The following PLA2G6 variants were observed in gnomAD, a reference collection of about 807,000 sequenced individuals.
PLA2G6 encodes the protein phospholipase A2 group VI.
A neutral mutation model predicts 83.8 loss-of-function variants in PLA2G6; 62 were observed. The ratio of observed to expected loss-of-function variants is 0.74; its 90% CI spans 0.60 to 0.91. PLA2G6 has a LOEUF of 0.91. Among genes scored for constraint, PLA2G6 ranks in the 40% least tolerant of loss-of-function variants. The pLI is 0.00. For synonymous variants in PLA2G6, 417 were observed against 449.8 expected, an observed-to-expected ratio of 0.93 and a Z score of 0.92; for missense variants, 944 against 1,102.0, an observed-to-expected ratio of 0.86 and a Z score of 2.03.
At chr22:38,162,091 C>G (rs1225664691) in intron 2 of PLA2G6, among the ~76,000 whole-genome samples, 2 of 151,748 alleles carry the variant, frequency 1.3e-5, no homozygotes, top group Admixed American at 1.3e-4. Flanking sequence ...GCCTATAATA[C>G]CAGCTACTCA....
chr22:38,113,762 C>T (rs2087022260), intron 14 of PLA2G6, 108 bp from the exon 15 acceptor site: 2 of 1,004,832 alleles, frequency 2.0e-6, no homozygotes, highest in Non-Finnish European at 3.1e-6. Flanking sequence ...CACATGAGAA[C>T]AGGGCAAGAG....
At chr22:38,177,756 G>T (rs553999603) in intron 1 of PLA2G6, among the ~76,000 whole-genome samples, 2 of 152,086 alleles carry the variant, frequency 1.3e-5, no homozygotes, top group Non-Finnish European at 2.9e-5. Context: ...GAGCCACTGC[G>T]CCCGGCCGAA....
At chr22:38,154,524 G>A (rs983274287) in intron 2 of PLA2G6, among the ~76,000 whole-genome samples, 1 of 152,240 alleles carries the variant, frequency 6.6e-6, no homozygotes. Flanking sequence ...TTACGAGTCT[G>A]CAAGAGCCAT....
chr22:38,113,689 C>T (rs758356963), intron 14 of PLA2G6, 35 bp from the exon 15 acceptor site: 2 of 1,606,982 alleles, frequency 1.2e-6, no homozygotes, highest in Non-Finnish European at 1.7e-6. Context: ...TCAGAAGAGA[C>T]CTTCCACAGG....
Position 38,123,111 on chromosome 22 carries a change from G to A in PLA2G6, c.1575C>T (p.Ala525=). ...CGCCCTCACTGTGCAGAATGGCCAG[G>A]GCCAGGATGCCTCCAGTGCTGGTGC... ...VAGTSTGGIL[A]LAILHSKSMA... The change falls in exon 11 of 17, where the codon GCC becomes GCT. Residue 525 remains alanine, a synonymous_variant. Coordinates refer to ENST00000332509, the MANE Select transcript of PLA2G6 (RefSeq NM_003560.4). This position sits in a 1 kb window ranked among gnomAD's most constrained non-coding sequence, Gnocchi z 4.1. The A allele has an allele frequency of 6.5e-7, 1 of 1,549,368 alleles. No individual in the cohort carries two copies. The highest frequency in any genetic ancestry group is 1.2e-5 in the South Asian group (1 of 83,984).
At chr22:38,157,089 A>C (rs1298580290) in intron 2 of PLA2G6, among the ~76,000 whole-genome samples, 1 of 152,172 alleles carries the variant, frequency 6.6e-6, no homozygotes, top group Non-Finnish European at 1.5e-5. Context: ...AACCAAACCC[A>C]AAATTAGTAG....
At chr22:38,155,183 C>T (rs921147798) in intron 2 of PLA2G6, among the ~76,000 whole-genome samples, 7 of 151,174 alleles carry the variant, frequency 4.6e-5, no homozygotes, top group Non-Finnish European at 7.4e-5. Flanking sequence ...GCGGAAATCG[C>T]GCCACTGCAC....
chr22:38,132,092 G>A lies in PLA2G6; in HGVS notation c.1077+739C>T. On this transcript the variant is annotated intron_variant, in intron 7 of 16. Transcript: ENST00000332509. The surrounding 1 kb of genome is among the most constrained non-coding windows in gnomAD (Gnocchi z 5.0). ...ATCGCGCCACTGCACTCCAGCCTGG[G>A]CGACAGTGCGAGACTCCATCTCGAA... 4.4e-6 allele frequency: 2 copies of A among 454,722 alleles called. No homozygotes were observed. Among genetic ancestry groups the A allele is most frequent in the South Asian group, 3.1e-5 (2 of 64,354 alleles). 28.2% of individuals were successfully genotyped at this position (454,722 alleles called of 1,614,324 possible).
rs531743743 is a variant in PLA2G6 at position 38,172,423 on chromosome 22, T to C, written c.-45-2952A>G. Reference sequence around the variant, plus strand: ...CAAAAATTTAACTGAGTAAATATTATGCATAGAAAAAACAAAGCCTGATAG... The same window carrying C: ...CAAAAATTTAACTGAGTAAATATTACGCATAGAAAAAACAAAGCCTGATAG... On this transcript the variant is annotated intron_variant, in intron 1 of 16. Coordinates refer to ENST00000332509, the MANE Select transcript of PLA2G6 (RefSeq NM_003560.4). Among the ~76,000 whole-genome samples, 11 of 152,358 alleles carry C rather than the reference T, an allele frequency of 7.2e-5. No homozygotes were observed. In the South Asian group the frequency reaches 2.3e-3, roughly 32 times the overall value.
chr22:38,164,517 C>T (rs551522270), intron 2 of PLA2G6, among the ~76,000 whole-genome samples: 46 of 152,334 alleles, frequency 3.0e-4, no homozygotes, highest in African/African-American at 1.0e-3. Flanking sequence ...ACTGCAGATG[C>T]TCCTGCTGCT....
intron 10 of PLA2G6, among the ~76,000 whole-genome samples, chr22:38,125,176 G>A (rs889765501): frequency 6.6e-6 from 1 of 152,078 alleles, no homozygotes; most frequent in African/African-American, 2.4e-5. Context: ...ATGCATGCAT[G>A]TGTATGTGTG....
intron 2 of PLA2G6, among the ~76,000 whole-genome samples, chr22:38,158,170 CTT>C (rs558539609): frequency 5.9e-5 from 8 of 136,452 alleles, no homozygotes; most frequent in Admixed American, 7.4e-5. Flanking sequence ...TTTTTCTTTT[CTT>C]TTTTTTTTTT....
rs182038896 is a variant in PLA2G6 at position 38,112,415 on chromosome 22, A to C, written c.2276+89T>G. On this transcript the variant is annotated intron_variant, in intron 16 of 16. Coordinates refer to ENST00000332509, the MANE Select transcript of PLA2G6 (RefSeq NM_003560.4). ...AACAGAGCAGACCCTTGGGGAAGGGAAAGTCCACACTAGGGCTGGGAGGGG... is the reference window on the plus strand; with the variant it reads ...AACAGAGCAGACCCTTGGGGAAGGGCAAGTCCACACTAGGGCTGGGAGGGG... 41 of 1,515,228 alleles carry C rather than the reference A, an allele frequency of 2.7e-5. 1 individual carries two copies. The East Asian group carries it at 4.1e-4, about 15-fold the overall frequency. 93.9% of individuals were successfully genotyped at this position (1,515,228 alleles called of 1,614,324 possible).
intron 15 of PLA2G6, chr22:38,112,903 CTCTCTT>C (rs911579672): frequency 3.7e-4 from 182 of 494,354 alleles, no homozygotes; most frequent in South Asian, 5.9e-4. Context: ...CTCTCTCTCT[CTCTCTT>C]TCTTTCTTTC....
rs777934782 is a variant in PLA2G6, at chr22:38,169,460, T to C, written c.-34A>G. ...GGGCAGGTGGGGAGGCCCCACCGTC[T>C]TCCCCCTCTGTCTGGAAGAAAACGA... On this transcript the variant is annotated 5_prime_UTR_variant, in exon 2 of 17. Coordinates refer to ENST00000332509, the MANE Select transcript of PLA2G6 (RefSeq NM_003560.4). 1.2e-5 allele frequency: 19 copies of C among 1,580,524 alleles called. No homozygotes were observed. The highest frequency in any genetic ancestry group is 1.6e-5 in the Non-Finnish European group (18 of 1,151,596).
chr22:38,145,833 A>C (rs1050292365), intron 2 of PLA2G6, 180 bp from the exon 3 acceptor site: 230 of 595,166 alleles, frequency 3.9e-4, no homozygotes, highest in Middle Eastern at 2.2e-3. Context: ...ACACACACAC[A>C]CCCCTATACA....
chr22:38,159,328 A>G (rs1000120429), intron 2 of PLA2G6, among the ~76,000 whole-genome samples: 1 of 152,212 alleles, frequency 6.6e-6, no homozygotes, highest in Non-Finnish European at 1.5e-5. Flanking sequence ...TGAAAATCTC[A>G]TAGTCCTATA....
chr22:38,145,683 C>A, intron 2 of PLA2G6, 30 bp from the exon 3 acceptor site: 2 of 1,507,596 alleles, frequency 1.3e-6, no homozygotes, highest in Non-Finnish European at 1.8e-6. Context: ...GAGCAAGACC[C>A]GAAATGAGTA....
At position 38,128,458 on chromosome 22, in the gene PLA2G6, G is replaced by A. The variant is rs781707803; in HGVS notation, c.1187-28C>T. The A allele has an allele frequency of 3.1e-6, 5 of 1,612,226 alleles. No homozygotes were observed. The Admixed American group carries it at 8.3e-5, about 27-fold the overall frequency. On this transcript the variant is annotated intron_variant, in intron 8 of 16. Transcript: ENST00000332509. This position sits in a 1 kb window ranked among gnomAD's most constrained non-coding sequence, Gnocchi z 4.4. ...TGTCATGGTTTGGGGAAGGGGAGAT[G>A]GCACAGGATCAGAAATGATGTCAAC...
Sources: allele counts gnomAD v4.1 joint callset (sites outside exome capture counted in the v4.1 genomes callset), GRCh38; gene constraint gnomAD v4.1.1; non-coding constraint Gnocchi (gnomAD v3.1); transcripts MANE v1.5; gene names NCBI Gene and HGNC (gene_info 2026-07-23, HGNC 2026-07-21).